Variants in CASP5 observed in about 807,000 individuals in gnomAD.
CASP5 encodes the protein caspase 5.
Under a neutral mutation model 45.2 loss-of-function variants are expected in CASP5, and 42 were observed. The observed-to-expected ratio is 0.93, with a 90% CI of 0.73 to 1.20. The LOEUF is 1.20. Ranked by LOEUF, CASP5 falls within the 50% of genes most tolerant of loss-of-function variation. CASP5 has a pLI of 0.00. For missense variants in CASP5, 512 were observed against 532.2 expected (o/e 0.96, Z 0.37); for synonymous variants, 209 against 186.2 (o/e 1.12, Z -1.00).
chr11:105,004,706 G>A (rs1861918277), intron 3 of CASP5, among the ~76,000 whole-genome samples: 1 of 152,028 alleles, frequency 6.6e-6, no homozygotes, highest in Non-Finnish European at 1.5e-5. Flanking sequence ...TCTTGCTAAA[G>A]AGTATGATAA....
intron 1 of CASP5, among the ~76,000 whole-genome samples, chr11:105,014,299 T>G (rs1191113232): frequency 6.6e-6 from 1 of 152,002 alleles, no homozygotes; most frequent in Admixed American, 6.6e-5. Context: ...AGATGGCATT[T>G]TTTTTTTTCA....
intron 7 of CASP5, among the ~76,000 whole-genome samples, chr11:104,998,154 A>G (rs922333033): frequency 3.9e-5 from 6 of 152,196 alleles, no homozygotes; most frequent in African/African-American, 1.2e-4. Context: ...AGAGATGTTT[A>G]CAGCATAGAT....
chr11:105,022,847 A>G (rs577037498), intron 1 of CASP5, among the ~76,000 whole-genome samples: 4 of 152,226 alleles, frequency 2.6e-5, no homozygotes, highest in African/African-American at 9.6e-5. Flanking sequence ...TTCTCACACA[A>G]ATAACTTACT....
At chr11:105,015,588 AT>A (rs1185357946) in intron 1 of CASP5, among the ~76,000 whole-genome samples, 2 of 152,104 alleles carry the variant, frequency 1.3e-5, no homozygotes, top group Non-Finnish European at 2.9e-5. Context: ...CACTTAACTT[AT>A]TTTTGATTAG....
intron 4 of CASP5, 36 bp from the exon 5 acceptor site, chr11:105,002,237 C>T (rs542958379): frequency 1.1e-5 from 17 of 1,606,008 alleles, no homozygotes; most frequent in Middle Eastern, 1.7e-4. Flanking sequence ...TTTGATTACC[C>T]GAGTCTCTTT....
intron 7 of CASP5, among the ~76,000 whole-genome samples, chr11:104,998,675 CTT>C (rs969600763): frequency 4.6e-5 from 7 of 152,102 alleles, no homozygotes; most frequent in African/African-American, 1.7e-4. Flanking sequence ...AAGTGTAACA[CTT>C]ATAATAAAAG....
intron 4 of CASP5, among the ~76,000 whole-genome samples, chr11:105,002,952 C>T (rs970640155): frequency 6.6e-6 from 1 of 151,940 alleles, no homozygotes; most frequent in Non-Finnish European, 1.5e-5. Flanking sequence ...AATCCCAGTG[C>T]TTTGGGAGGC....
chr11:104,997,593 A>G (rs753698357), intron 7 of CASP5, 101 bp from the exon 8 acceptor site: 24 of 644,422 alleles, frequency 3.7e-5, no homozygotes, highest in Non-Finnish European at 5.4e-5. Flanking sequence ...TGATAGATTT[A>G]TGGAAATCCC....
chr11:105,010,267 G>A (rs1007163065), intron 1 of CASP5, among the ~76,000 whole-genome samples: 1 of 150,820 alleles, frequency 6.6e-6, no homozygotes, highest in East Asian at 1.9e-4. Context: ...TTTAATAAAT[G>A]TAACATCTCC....
intron 1 of CASP5, among the ~76,000 whole-genome samples, chr11:105,009,888 C>A (rs184548276): frequency 1.5e-5 from 2 of 134,576 alleles, no homozygotes; most frequent in East Asian, 4.1e-4. Context: ...CATATATATA[C>A]ACATATATAC....
intron 2 of CASP5, among the ~76,000 whole-genome samples, 189 bp downstream of exon 2, chr11:105,008,618 C>T (rs1030625926): frequency 1.3e-5 from 2 of 151,938 alleles, no homozygotes; most frequent in African/African-American, 4.8e-5. Flanking sequence ...AGCCTTTTAG[C>T]CGATTGGAAA....
chr11:105,017,677 T>G (rs991345562), intron 1 of CASP5, among the ~76,000 whole-genome samples: 56 of 152,160 alleles, frequency 3.7e-4, no homozygotes, highest in African/African-American at 1.2e-3. Flanking sequence ...AATCTACGTC[T>G]GATTGGTGTA....
intron 1 of CASP5, among the ~76,000 whole-genome samples, chr11:105,022,780 T>G (rs2134781919): frequency 6.6e-6 from 1 of 152,262 alleles, no homozygotes; most frequent in South Asian, 2.1e-4. Flanking sequence ...GAGGATTAAT[T>G]TGGAATCAAG....
Position 105,002,035 on chromosome 11 carries a change from G to T in CASP5, c.710C>A (p.Thr237Lys), listed in dbSNP as rs750417518. 8 of 1,613,948 alleles carry T rather than the reference G, an allele frequency of 5.0e-6. No homozygotes were observed. Among genetic ancestry groups the T allele is most frequent in the Non-Finnish European group, 5.9e-6 (7 of 1,179,918 alleles). The change falls in exon 5 of 10, where the codon ACA (threonine) becomes AAA (lysine). Residue 237 changes from threonine (T) to lysine (K), a missense_variant. Physicochemically the swap from Thr to Lys is moderately conservative, Grantham distance 78. Coordinates refer to ENST00000260315, the MANE Select transcript of CASP5 (RefSeq NM_004347.5). ...TGGCTTAGGGGTTCTTACCCTGGCTGTGAGATTCTTTTCGTCAACCACAGT... is the reference window on the plus strand; with the variant it reads ...TGGCTTAGGGGTTCTTACCCTGGCTTTGAGATTCTTTTCGTCAACCACAGT... ...GYTVVDEKNL[T>K]ARDMESVLRA...
intron 1 of CASP5, among the ~76,000 whole-genome samples, chr11:105,018,305 A>C (rs1191961857): frequency 5.1e-4 from 77 of 151,358 alleles, no homozygotes; most frequent in Non-Finnish European, 8.7e-4. Flanking sequence ...CACACATAAC[A>C]ATATTAACTT....
At position 105,010,376 on chromosome 11, in the gene CASP5, TATC is replaced by T. The variant is rs533458610; in HGVS notation, c.8-1399_8-1397del. Among the ~76,000 whole-genome samples, 41 of 145,998 alleles carry T rather than the reference TATC, an allele frequency of 2.8e-4. No homozygotes were observed. In the East Asian group the frequency reaches 5.3e-3, roughly 19 times the overall value. On this transcript the variant is annotated intron_variant, in intron 1 of 9. Transcript: ENST00000260315. ...CATTATTATTAACAATATCAGTAAT[TATC>T]ATTATTATAATGATTTAATCAGTAA... is the stretch of plus-strand genomic sequence containing the variant.
chr11:105,021,051 A>G (rs969190229), intron 1 of CASP5, among the ~76,000 whole-genome samples: 6 of 152,096 alleles, frequency 3.9e-5, no homozygotes, highest in Non-Finnish European at 7.3e-5. Flanking sequence ...ACAAACAAGC[A>G]ATGCGGAAAG....
intron 1 of CASP5, among the ~76,000 whole-genome samples, chr11:105,022,245 T>G (rs1382994740): frequency 1.3e-5 from 2 of 151,202 alleles, no homozygotes; most frequent in South Asian, 2.1e-4. Context: ...CACCAGCATG[T>G]CACATGTATA....
intron 2 of CASP5, 150 bp from the exon 3 acceptor site, chr11:105,007,484 A>G (rs1862068985): frequency 2.7e-6 from 2 of 730,696 alleles, no homozygotes; most frequent in Non-Finnish European, 4.5e-6. Context: ...TTTTTTTGCA[A>G]CTGCAGAATT....
Sources: allele counts gnomAD v4.1 joint callset (sites outside exome capture counted in the v4.1 genomes callset), GRCh38; gene constraint gnomAD v4.1.1; transcripts MANE v1.5; gene names NCBI Gene and HGNC (gene_info 2026-07-23, HGNC 2026-07-21).